The following HK1 variants were observed in gnomAD, a reference collection of about 807,000 sequenced individuals.
The protein encoded by HK1 is hexokinase-1.
HK1 carries 28 observed loss-of-function variants against 91.6 expected under a neutral mutation model. That is an observed-to-expected ratio of 0.31 (90% confidence interval 0.23 to 0.42). HK1 has a LOEUF of 0.42. HK1 is among the 10% of genes least tolerant of loss of function. The pLI is 1.00. For synonymous variants in HK1, 430 were observed against 468.1 expected (o/e 0.92, Z 1.05); for missense variants, 770 against 1,219.8 (o/e 0.63, Z 5.49).
At chr10:69,315,664 C>T, upstream of HK1, 1 of 488,898 alleles carries the variant, frequency 2.0e-6, no homozygotes, top group Non-Finnish European at 3.8e-6. Context: ...GGGGACACAG[C>T]AGTGCAGCAT....
intron 4 of HK1, among the ~76,000 whole-genome samples, chr10:69,299,180 GTGT>G (rs1845718616): frequency 6.6e-6 from 1 of 151,226 alleles, no homozygotes; most frequent in South Asian, 2.1e-4. Flanking sequence ...CTTAATAAGT[GTGT>G]TGTTGTTGAA....
At chr10:69,390,362 A>G (rs1488352600) in intron 14 of HK1, among the ~76,000 whole-genome samples, 1 of 152,162 alleles carries the variant, frequency 6.6e-6, no homozygotes, top group Non-Finnish European at 1.5e-5. Context: ...TCCTGGCACC[A>G]GGCTCCAGCT....
chr10:69,291,914 T>C (rs889976251), intron 3 of HK1, among the ~76,000 whole-genome samples: 3 of 152,186 alleles, frequency 2.0e-5, no homozygotes, highest in Non-Finnish European at 4.4e-5. Context: ...ATTAGAGCCA[T>C]TTCAGCAGGG....
chr10:69,280,021 G>C (rs1343316151), intron 1 of HK1, among the ~76,000 whole-genome samples: 1 of 152,236 alleles, frequency 6.6e-6, no homozygotes, highest in Non-Finnish European at 1.5e-5. Flanking sequence ...GAGGAAGGAT[G>C]AAAGGATTGA....
chr10:69,324,064 G>T (rs981947681), intron 1 of HK1, among the ~76,000 whole-genome samples: 14 of 152,132 alleles, frequency 9.2e-5, no homozygotes, highest in African/African-American at 3.4e-4. Flanking sequence ...TAGAGACAGG[G>T]TCTCACCATA....
At chr10:69,300,111 T>G (rs1479629860) in intron 4 of HK1, among the ~76,000 whole-genome samples, 1 of 151,722 alleles carries the variant, frequency 6.6e-6, no homozygotes, top group African/African-American at 2.4e-5. Flanking sequence ...TTTAAGAAGT[T>G]TTAACACACG....
At chr10:69,327,813 G>A (rs188792456) in intron 1 of HK1, among the ~76,000 whole-genome samples, 4 of 152,246 alleles carry the variant, frequency 2.6e-5, no homozygotes, top group East Asian at 3.9e-4. Context: ...CACAGTATTC[G>A]AGCTGTGTTT....
intron 3 of HK1, among the ~76,000 whole-genome samples, chr10:69,363,243 C>G (rs1208702529): frequency 6.6e-6 from 1 of 152,152 alleles, no homozygotes; most frequent in Non-Finnish European, 1.5e-5. Flanking sequence ...AAGGGGTTAG[C>G]TAGGCTGTGG....
chr10:69,373,820 G>A (rs75171453), intron 7 of HK1, among the ~76,000 whole-genome samples: 1 of 151,968 alleles, frequency 6.6e-6, no homozygotes, highest in African/African-American at 2.4e-5. Flanking sequence ...GAACTCCTGG[G>A]CTCAGGTGAT....
At chr10:69,381,287 A>G (rs1053952454) in intron 9 of HK1, among the ~76,000 whole-genome samples, 1 of 152,208 alleles carries the variant, frequency 6.6e-6, no homozygotes, top group African/African-American at 2.4e-5. Flanking sequence ...TCCTGTCTCA[A>G]AAAAAGAAAG....
chr10:69,327,544 C>G, intron 1 of HK1, among the ~76,000 whole-genome samples: 1 of 152,296 alleles, frequency 6.6e-6, no homozygotes, highest in South Asian at 2.1e-4. Flanking sequence ...TAGAACAACT[C>G]ATTCAGCGCA....
At chr10:69,372,865 TTTG>T (rs995461952) in intron 7 of HK1, among the ~76,000 whole-genome samples, 21 of 150,010 alleles carry the variant, frequency 1.4e-4, no homozygotes, top group South Asian at 2.1e-4. Context: ...GGGTTTTTTT[TTTG>T]TTGTTGTTGT....
At chr10:69,374,370 C>G (rs1321071561) in intron 7 of HK1, among the ~76,000 whole-genome samples, 1 of 152,226 alleles carries the variant, frequency 6.6e-6, no homozygotes, top group African/African-American at 2.4e-5. Flanking sequence ...GGTTGGAACG[C>G]TGCCACGCCG....
At chr10:69,395,478 T>C (rs1210042123) in intron 16 of HK1, among the ~76,000 whole-genome samples, 2 of 152,108 alleles carry the variant, frequency 1.3e-5, no homozygotes, top group East Asian at 3.9e-4. Flanking sequence ...CTTGGGAGGC[T>C]GAGGCAGGAG....
chr10:69,326,835 G>A (rs1430339885), intron 1 of HK1, among the ~76,000 whole-genome samples: 1 of 151,920 alleles, frequency 6.6e-6, no homozygotes, highest in East Asian at 1.9e-4. Flanking sequence ...CCTGAATTTG[G>A]TGTTTATCTT....
At chr10:69,279,283 G>A (rs1485730575) in intron 1 of HK1, among the ~76,000 whole-genome samples, 1 of 152,218 alleles carries the variant, frequency 6.6e-6, no homozygotes, top group Non-Finnish European at 1.5e-5. Context: ...ATGTGGTGAA[G>A]GGCGTTGGGA....
upstream of HK1, chr10:69,315,875 A>G: frequency 1.4e-6 from 2 of 1,430,904 alleles, no homozygotes; most frequent in Non-Finnish European, 2.0e-6. Flanking sequence ...ACTCTACCAC[A>G]ACCTGACACT....
intron 5 of HK1, among the ~76,000 whole-genome samples, chr10:69,309,204 C>G (rs1183233434): frequency 1.4e-5 from 2 of 147,744 alleles, no homozygotes; most frequent in Non-Finnish European, 3.0e-5. Flanking sequence ...TTTTTTGAGA[C>G]AGAGTCTCGC....
intron 1 of HK1, among the ~76,000 whole-genome samples, chr10:69,332,893 CAA>C (rs1847807666): frequency 2.0e-5 from 3 of 152,114 alleles, no homozygotes. Flanking sequence ...AGTAGGCAGA[CAA>C]CAGAGCCCTG....
Sources: gnomAD v4.1 joint callset for allele counts (sites outside exome capture counted in the v4.1 genomes callset) on GRCh38, gnomAD v4.1.1 for gene constraint, MANE v1.5 for transcripts, NCBI Gene and HGNC (gene_info 2026-07-23, HGNC 2026-07-21) for gene names.